Variants in PDIA4 observed in about 807,000 individuals in gnomAD.
PDIA4 encodes protein disulfide isomerase family A member 4.
In PDIA4, 33 loss-of-function variants were observed where a neutral mutation model predicts 62.1. The observed-to-expected ratio is 0.53, with a 90% CI of 0.40 to 0.71. The LOEUF (loss-of-function observed/expected upper bound fraction) is 0.71, where lower values mean the gene tolerates loss of function less well. PDIA4 is among the 30% of genes least tolerant of loss of function. The pLI, the probability that PDIA4 is intolerant of heterozygous loss-of-function variation, is 0.00. For synonymous variants in PDIA4, 341 were observed against 324.1 expected (o/e 1.05, Z -0.56); for missense variants, 804 against 813.6 (o/e 0.99, Z 0.14).
In PDIA4 at chr7:149,011,985, G is replaced by T. The variant is rs61739279; in HGVS notation, c.840C>A (p.Ile280=). ...REKYGIVDYM[I]EQSGPPSKEI... Reference sequence around the variant, plus strand: ...CCTTGGAGGGAGGCCCGGACTGCTCGATCATGTAATCAACGATTCCTGGGA... The same window carrying T: ...CCTTGGAGGGAGGCCCGGACTGCTCTATCATGTAATCAACGATTCCTGGGA... Residue 280 remains isoleucine, a synonymous_variant, in exon 6 of 10, where the codon ATC becomes ATA. Transcript: ENST00000652332. 2 of 1,594,944 alleles carry T rather than the reference G, an allele frequency of 1.3e-6. No individual in the cohort carries two copies. Among genetic ancestry groups the T allele is most frequent in the East Asian group, 2.2e-5 (1 of 44,656 alleles).
intron 1 of PDIA4, chr7:149,027,749 C>T (rs1824607446): frequency 4.7e-6 from 2 of 421,654 alleles, no homozygotes; most frequent in South Asian, 3.6e-5. Flanking sequence ...ACAGTAAATG[C>T]TAAATGCAGA....
intron 1 of PDIA4, chr7:149,027,924 G>C (rs987037200): frequency 2.0e-6 from 1 of 492,054 alleles, no homozygotes. Context: ...CTTCTCTCCA[G>C]TGGCTCTCCC....
In PDIA4 at chr7:149,005,929, T is replaced by C. The variant is rs773199095; in HGVS notation, c.1256A>G (p.Tyr419Cys). 2.6e-6 allele frequency: 4 copies of C among 1,534,090 alleles called. No homozygotes were observed. Among genetic ancestry groups the C allele is most frequent in the Non-Finnish European group, 3.5e-6 (4 of 1,151,942 alleles). Residue 419 changes from tyrosine to cysteine, a missense_variant, in exon 8 of 10, where the codon TAC (tyrosine) becomes TGC (cysteine). Transcript: ENST00000652332. ...GTAATCAAAGCTGAAGTCCACACTGTAGTAGACGACCACCAGGGGGCGCCT... is the reference window on the plus strand; with the variant it reads ...GTAATCAAAGCTGAAGTCCACACTGCAGTAGACGACCACCAGGGGGCGCCT... ...YTRRPLVVVY[Y>C]SVDFSFDYRA...
At chr7:149,018,129 T>C (rs899560162) in intron 3 of PDIA4, among the ~76,000 whole-genome samples, 2 of 151,980 alleles carry the variant, frequency 1.3e-5, no homozygotes, top group African/African-American at 4.8e-5. Context: ...CTCAGGAGCC[T>C]GAGGCAGAAG....
At chr7:149,014,843 C>T in intron 4 of PDIA4, 61 bp downstream of exon 4, 10 of 1,544,746 alleles carry the variant, frequency 6.5e-6, no homozygotes, top group Non-Finnish European at 8.9e-6. Flanking sequence ...CAGGGGCCTG[C>T]CACCCCGCAC....
At chr7:149,020,344 A>G (rs1432412204) in intron 2 of PDIA4, among the ~76,000 whole-genome samples, 1 of 152,210 alleles carries the variant, frequency 6.6e-6, no homozygotes, top group African/African-American at 2.4e-5. Context: ...ATTTGGTCTC[A>G]GAAGTGAAAC....
chr7:149,024,190 T>C (rs181785929), intron 1 of PDIA4, among the ~76,000 whole-genome samples: 12 of 151,374 alleles, frequency 7.9e-5, no homozygotes, highest in African/African-American at 2.9e-4. Flanking sequence ...GAGGATGCAG[T>C]GAGCCGAGAT....
chr7:149,005,508 G>A, intron 8 of PDIA4, 134 bp from the exon 9 acceptor site: 1 of 647,620 alleles, frequency 1.5e-6, no homozygotes, highest in Non-Finnish European at 2.7e-6. Context: ...CAATTGGAGG[G>A]AAACATGTTT....
chr7:149,003,828 G>A lies in PDIA4; in HGVS notation c.1904C>T (p.Ala635Val), dbSNP rs956751489. ...TTCCTTGGTCCTGCTCAGTTTTGTG[G>A]CATGTTCTTCTATAAACTTGCTCAA... Reference protein sequence around the residue: ...EHLSKFIEEHATKLSRTKEEL With the variant: ...EHLSKFIEEHVTKLSRTKEEL The change falls in exon 10 of 10, where the codon GCC (alanine) becomes GTC (valine). Residue 635 changes from alanine (A) to valine (V), a missense_variant. Transcript: ENST00000652332. The A allele has an allele frequency of 1.3e-5, 20 of 1,584,922 alleles. No individual in the cohort carries two copies. The highest frequency in any genetic ancestry group is 1.7e-5 in the Non-Finnish European group (20 of 1,165,436).
chr7:149,020,848 C>T, intron 2 of PDIA4, 119 bp downstream of exon 2: 1 of 1,449,062 alleles, frequency 6.9e-7, no homozygotes, highest in East Asian at 2.5e-5. Context: ...AGCTAGAGTG[C>T]AAGTTCCTGC....
At chr7:149,027,971 T>C (rs777566637) in intron 1 of PDIA4, 5 of 516,684 alleles carry the variant, frequency 9.7e-6, no homozygotes, top group South Asian at 6.2e-5. Flanking sequence ...TCGCCTGGAG[T>C]TAGCCTGGAC....
chr7:149,003,711 T>C lies in PDIA4; in HGVS notation c.*83A>G. On this transcript the variant is annotated 3_prime_UTR_variant, in exon 10 of 10. Transcript: ENST00000652332. ...AAAAGGAATCCGAGATACTGTCGTT[T>C]GTTGCCGGCCTCGGCGTGGACGCCC... 1 of 1,070,470 alleles carries C rather than the reference T, an allele frequency of 9.3e-7. No homozygotes were observed. The highest frequency in any genetic ancestry group is 1.3e-6 in the Non-Finnish European group (1 of 772,936). 66.3% of individuals were successfully genotyped at this position (1,070,470 alleles called of 1,614,324 possible). A position where few individuals can be genotyped will look rare whatever the true frequency, so the allele number is the denominator to read the frequency against.
chr7:149,023,485 T>G (rs1824426260), intron 1 of PDIA4, among the ~76,000 whole-genome samples: 1 of 152,198 alleles, frequency 6.6e-6, no homozygotes, highest in Admixed American at 6.5e-5. Flanking sequence ...TTTTAAATCC[T>G]GGGTGGTCCC....
intron 5 of PDIA4, 62 bp from the exon 6 acceptor site, chr7:149,012,066 G>A: frequency 1.9e-6 from 3 of 1,604,272 alleles, no homozygotes; most frequent in South Asian, 1.1e-5. Context: ...CATGGCCCAT[G>A]CCTGCCAGCC....
At chr7:149,021,946 T>A (rs6958855) in intron 1 of PDIA4, among the ~76,000 whole-genome samples, 30,467 of 152,090 alleles carry the variant, frequency 0.2, 3,339 homozygotes, top group Middle Eastern at 0.31. Context: ...CGCCCTAGCT[T>A]GTCTGTGTTC....
In PDIA4 at chr7:149,005,165, C is replaced by T. The variant is rs200029666; in HGVS notation, c.1498G>A (p.Glu500Lys). The T allele has an allele frequency of 9.5e-5, 154 of 1,613,620 alleles. No homozygotes were observed. The highest frequency in any genetic ancestry group is 3.3e-4 in the Middle Eastern group (2 of 6,082). The change falls in exon 9 of 10, where the codon GAG becomes AAG. Residue 500 changes from glutamate to lysine, a missense_variant. Coordinates refer to ENST00000652332, the MANE Select transcript of PDIA4 (RefSeq NM_004911.5). ...CCTTTTTTGAAAGCAGTGACAAACT[C>T]GCGGAGGGTGTCAGAGTCAAACTCC... is the stretch of plus-strand genomic sequence containing the variant. ...PEEFDSDTLR[E>K]FVTAFKKGKL...
chr7:149,024,763 C>G (rs371692754), intron 1 of PDIA4, among the ~76,000 whole-genome samples: 4 of 143,560 alleles, frequency 2.8e-5, no homozygotes, highest in African/African-American at 7.9e-5. Context: ...TTGCAGTGAG[C>G]TGAGATCGCA....
intron 1 of PDIA4, among the ~76,000 whole-genome samples, chr7:149,024,235 A>T (rs1468736127): frequency 2.0e-5 from 3 of 152,208 alleles, no homozygotes; most frequent in Admixed American, 2.0e-4. Flanking sequence ...TGACAAAGCG[A>T]GACTAACAAC....
At chr7:149,026,696 G>A (rs1824570915) in intron 1 of PDIA4, among the ~76,000 whole-genome samples, 1 of 151,834 alleles carries the variant, frequency 6.6e-6, no homozygotes. Flanking sequence ...CTCCTCGGGA[G>A]GCTGAGGCAG....
Sources: allele counts gnomAD v4.1 joint callset (sites outside exome capture counted in the v4.1 genomes callset), GRCh38; gene constraint gnomAD v4.1.1; transcripts MANE v1.5; gene names NCBI Gene and HGNC (gene_info 2026-07-23, HGNC 2026-07-21).